CORIN: variants seen among roughly 807,000 people sequenced by gnomAD.
CORIN encodes the protein atrial natriuretic peptide-converting enzyme.
CORIN carries 117 observed loss-of-function variants against 125.3 expected under a neutral mutation model. The observed-to-expected ratio is 0.93, with a 90% CI of 0.80 to 1.09. The LOEUF (loss-of-function observed/expected upper bound fraction) is 1.09. Among genes scored for constraint, CORIN ranks in the 50% least tolerant of loss-of-function variants. CORIN has a pLI of 0.00. For missense variants in CORIN, 1,253 were observed against 1,306.7 expected (o/e 0.96, Z 0.63); for synonymous variants, 450 against 466.4 (o/e 0.96, Z 0.45).
chr4:47,718,023 C>T (rs1727182063), intron 5 of CORIN, among the ~76,000 whole-genome samples: 1 of 152,152 alleles, frequency 6.6e-6, no homozygotes, highest in Admixed American at 6.5e-5. Flanking sequence ...AGCAAATGGG[C>T]ACAGTATTCC....
intron 10 of CORIN, among the ~76,000 whole-genome samples, chr4:47,670,374 T>C (rs1207638232): frequency 2.0e-5 from 3 of 152,248 alleles, no homozygotes; most frequent in Non-Finnish European, 4.4e-5. Flanking sequence ...ATCATTCCTC[T>C]CTTCTACTAT....
At chr4:47,648,905 C>A (rs1352910283) in intron 13 of CORIN, among the ~76,000 whole-genome samples, 1 of 152,198 alleles carries the variant, frequency 6.6e-6, no homozygotes, top group Non-Finnish European at 1.5e-5. Context: ...ACAGGCCTAA[C>A]AGGTGTGAAG....
At position 47,645,213 on chromosome 4, in the gene CORIN, G is replaced by T; in HGVS notation, c.1844-19C>A. On this transcript the variant is annotated intron_variant, in intron 13 of 21. Transcript: ENST00000273857. ...TTACAACCTAGAGACAGAAGAAAAG[G>T]TTATTTGCAATAGACGTGGAATTGA... 7.2e-7 allele frequency: 1 copy of T among 1,380,608 alleles called. No individual in the cohort carries two copies. Among genetic ancestry groups the T allele is most frequent in the Non-Finnish European group, 1.0e-6 (1 of 982,038 alleles). The allele number at this position is 1,380,608 out of a possible 1,614,324, so 85.5% of individuals were successfully genotyped here.
chr4:47,641,468 T>C (rs748314945), intron 16 of CORIN, among the ~76,000 whole-genome samples: 4 of 152,200 alleles, frequency 2.6e-5, no homozygotes, highest in Non-Finnish European at 4.4e-5. Flanking sequence ...AAGAAGCAAA[T>C]ATACTGAACT....
At chr4:47,656,775 C>T (rs1262028182) in intron 12 of CORIN, among the ~76,000 whole-genome samples, 3 of 152,186 alleles carry the variant, frequency 2.0e-5, no homozygotes, top group Non-Finnish European at 2.9e-5. Flanking sequence ...GATAGAAGTC[C>T]TAGCTGAAGC....
intron 4 of CORIN, 54 bp from the exon 5 acceptor site, chr4:47,744,637 T>C (rs953291894): frequency 2.0e-6 from 3 of 1,476,116 alleles, no homozygotes; most frequent in Middle Eastern, 1.8e-4. Flanking sequence ...GAATAGGTTT[T>C]GAAATAATAG....
At position 47,689,861 on chromosome 4, in the gene CORIN, TG is replaced by T. The variant is rs572201228; in HGVS notation, c.913+3108del. ...CAAACTGAATCAAAATCTCTGCAGA[TG>T]GGGCTTCCTGAGGAGGCCAGCATGC... On this transcript the variant is annotated intron_variant, in intron 6 of 21. Transcript: ENST00000273857. Among the ~76,000 whole-genome samples the T allele has an allele frequency of 6.1e-3, 931 of 152,308 alleles. 9 individuals are homozygous for T. Among genetic ancestry groups the T allele is most frequent in the Non-Finnish European group, 9.1e-3 (618 of 68,016 alleles).
At chr4:47,674,350 A>C (rs370669019) in intron 10 of CORIN, 43 bp downstream of exon 10, 1 of 1,303,452 alleles carries the variant, frequency 7.7e-7, no homozygotes. Flanking sequence ...TGCTGAATGC[A>C]TGCCCTGACA....
At chr4:47,643,680 T>C (rs1723338352) in intron 14 of CORIN, among the ~76,000 whole-genome samples, 2 of 152,194 alleles carry the variant, frequency 1.3e-5, no homozygotes, top group African/African-American at 2.4e-5. Context: ...TATTATTAAA[T>C]GACTCTCTGA....
chr4:47,676,247 C>G (rs1725012020), intron 9 of CORIN, among the ~76,000 whole-genome samples: 1 of 152,188 alleles, frequency 6.6e-6, no homozygotes, highest in Non-Finnish European at 1.5e-5. Context: ...TCGTTCTCAG[C>G]TCTCTAATCA....
At chr4:47,643,472 A>G (rs1292046519) in intron 14 of CORIN, among the ~76,000 whole-genome samples, 1 of 152,100 alleles carries the variant, frequency 6.6e-6, no homozygotes, top group East Asian at 1.9e-4. Flanking sequence ...CAGAATTACT[A>G]TGTTCAAGTG....
chr4:47,697,061 A>G (rs1726046473), intron 5 of CORIN, among the ~76,000 whole-genome samples: 1 of 152,222 alleles, frequency 6.6e-6, no homozygotes. Flanking sequence ...AGAGCCTGTC[A>G]GCGCTCCATT....
At chr4:47,615,491 A>C (rs1271746119) in intron 19 of CORIN, among the ~76,000 whole-genome samples, 1 of 152,210 alleles carries the variant, frequency 6.6e-6, no homozygotes, top group Non-Finnish European at 1.5e-5. Flanking sequence ...TTTATTAGGA[A>C]ATAGGGACTT....
intron 16 of CORIN, among the ~76,000 whole-genome samples, chr4:47,635,435 G>T (rs995296596): frequency 2.6e-5 from 4 of 152,254 alleles, no homozygotes; most frequent in Admixed American, 2.0e-4. Flanking sequence ...CTAAGTCACA[G>T]ATGTATGAGC....
At chr4:47,643,387 C>A in intron 14 of CORIN, 131 bp from the exon 15 acceptor site, 1 of 748,356 alleles carries the variant, frequency 1.3e-6, no homozygotes. Context: ...GGCTTCCAAA[C>A]GGGCATAAAA....
intron 1 of CORIN, among the ~76,000 whole-genome samples, chr4:47,824,093 A>G (rs1003127042): frequency 2.7e-5 from 4 of 150,252 alleles, no homozygotes; most frequent in African/African-American, 9.8e-5. Context: ...TTTGAAATCT[A>G]TGGAAAGCAA....
chr4:47,748,174 A>G (rs1034618950), intron 4 of CORIN, among the ~76,000 whole-genome samples: 1 of 152,168 alleles, frequency 6.6e-6, no homozygotes, highest in Non-Finnish European at 1.5e-5. Flanking sequence ...AGTGAGCAAA[A>G]TGTGTAGTCA....
At chr4:47,686,754 A>G (rs2109729392) in intron 6 of CORIN, among the ~76,000 whole-genome samples, 1 of 152,322 alleles carries the variant, frequency 6.6e-6, no homozygotes, top group Middle Eastern at 3.4e-3. Context: ...TGCAAAGTAT[A>G]CGCATGCATT....
rs116684888 is a variant in CORIN, at chr4:47,692,553, A to T, written c.913+417T>A. Reference sequence around the variant, plus strand: ...GACTATCTCCAGGTTTGGAAGAAGCATAAAAAAAAAAACAAGAGGCTTTGT... The same window carrying T: ...GACTATCTCCAGGTTTGGAAGAAGCTTAAAAAAAAAAACAAGAGGCTTTGT... On this transcript the variant is annotated intron_variant, in intron 6 of 21. Coordinates refer to ENST00000273857, the MANE Select transcript of CORIN (RefSeq NM_006587.4). 6.2e-3 allele frequency among the ~76,000 whole-genome samples: 945 copies of T among 151,718 alleles called. 7 individuals are homozygous for T. The highest frequency in any genetic ancestry group is 0.021 in the African/African-American group (877 of 41,204).
Sources: allele counts gnomAD v4.1 joint callset (sites outside exome capture counted in the v4.1 genomes callset), GRCh38; gene constraint gnomAD v4.1.1; transcripts MANE v1.5; gene names NCBI Gene and HGNC (gene_info 2026-07-23, HGNC 2026-07-21).